Variants in RNGTT observed in about 807,000 individuals in gnomAD.
RNGTT encodes the protein RNA guanylyltransferase and 5'-phosphatase.
A neutral mutation model predicts 79.3 loss-of-function variants in RNGTT; 33 were observed. The observed-to-expected ratio is 0.42, with a 90% CI of 0.32 to 0.56. RNGTT has a LOEUF of 0.56. RNGTT is among the 20% of genes least tolerant of loss of function. The pLI is 0.17. For missense variants in RNGTT, 497 were observed against 739.1 expected, an observed-to-expected ratio of 0.67 and a Z score of 3.80; for synonymous variants, 222 against 235.9, an observed-to-expected ratio of 0.94 and a Z score of 0.54.
chr6:88,945,108 G>C (rs978327305), intron 1 of RNGTT, among the ~76,000 whole-genome samples: 5 of 152,160 alleles, frequency 3.3e-5, no homozygotes, highest in Non-Finnish European at 2.9e-5. Context: ...TCTCAGGTCA[G>C]CTGGCCATTC....
chr6:88,839,734 G>A (rs942905145), intron 11 of RNGTT, among the ~76,000 whole-genome samples: 2 of 152,176 alleles, frequency 1.3e-5, no homozygotes, highest in African/African-American at 2.4e-5. Context: ...ACTTTTTACT[G>A]CATGTTTTTA....
intron 14 of RNGTT, among the ~76,000 whole-genome samples, chr6:88,674,036 C>A (rs939734829): frequency 6.6e-6 from 1 of 152,136 alleles, no homozygotes; most frequent in African/African-American, 2.4e-5. Flanking sequence ...AGAATCTTGC[C>A]AATTCCCCTC....
intron 13 of RNGTT, 129 bp downstream of exon 13, chr6:88,769,645 C>T (rs9353604): frequency 0.14 from 73,344 of 519,564 alleles, 5,566 homozygotes; most frequent in Middle Eastern, 0.24. Flanking sequence ...TGTAAAATAT[C>T]TTGTAAAATA....
intron 11 of RNGTT, among the ~76,000 whole-genome samples, chr6:88,825,801 T>A (rs1422032183): frequency 6.6e-6 from 1 of 152,244 alleles, no homozygotes; most frequent in African/African-American, 2.4e-5. Context: ...TTTAAATGTA[T>A]GCCTTATAGT....
intron 1 of RNGTT, among the ~76,000 whole-genome samples, chr6:88,942,009 G>A (rs1043015209): frequency 1.3e-5 from 2 of 151,872 alleles, no homozygotes; most frequent in Admixed American, 6.6e-5. Flanking sequence ...GGGGGAGCAC[G>A]TTGTCAGGTC....
intron 1 of RNGTT, 131 bp downstream of exon 1, chr6:88,963,215 T>G: frequency 1.2e-6 from 1 of 851,072 alleles, no homozygotes; most frequent in Non-Finnish European, 1.8e-6. Context: ...CGAAGCGTAA[T>G]CCGACGGAGC....
intron 13 of RNGTT, among the ~76,000 whole-genome samples, chr6:88,697,795 C>A (rs1376222030): frequency 6.7e-6 from 1 of 149,358 alleles, no homozygotes; most frequent in Non-Finnish European, 1.5e-5. Context: ...AACTTGAGCC[C>A]AGGGGGCAGA....
chr6:88,941,665 CTTT>C (rs776214733), intron 1 of RNGTT, among the ~76,000 whole-genome samples: 24 of 142,894 alleles, frequency 1.7e-4, no homozygotes, highest in African/African-American at 5.1e-4. Context: ...TACCCTACAT[CTTT>C]TTTTTTTTTT....
intron 9 of RNGTT, among the ~76,000 whole-genome samples, chr6:88,850,418 A>C (rs563568955): frequency 6.6e-6 from 1 of 151,948 alleles, no homozygotes; most frequent in Non-Finnish European, 1.5e-5. Context: ...GTCTGACAGA[A>C]CAAGATAAGG....
At chr6:88,791,140 C>CT (rs66559856) in intron 12 of RNGTT, among the ~76,000 whole-genome samples, 1,677 of 120,766 alleles carry the variant, frequency 0.014, 38 homozygotes, top group African/African-American at 0.046. Context: ...TCACAAGTAC[C>CT]TTTTTTTTTT....
rs529163527 is a variant in RNGTT, at chr6:88,613,978, T to C, written c.1630+294A>G. Among the ~76,000 whole-genome samples the C allele has an allele frequency of 7.2e-5, 11 of 152,380 alleles. No individual in the cohort carries two copies. In the South Asian group the frequency reaches 2.1e-3, roughly 29 times the overall value. On this transcript the variant is annotated intron_variant, in intron 15 of 15. Coordinates refer to ENST00000369485, the MANE Select transcript of RNGTT (RefSeq NM_003800.5). ...GTTTTGAATAGATCTGAAATTATCATGGTTTCTGTTGTTGTTGTTGTTCAA... is the reference window on the plus strand; with the variant it reads ...GTTTTGAATAGATCTGAAATTATCACGGTTTCTGTTGTTGTTGTTGTTCAA...
intron 14 of RNGTT, among the ~76,000 whole-genome samples, chr6:88,624,118 T>G (rs1245199473): frequency 1.3e-5 from 2 of 151,920 alleles, no homozygotes; most frequent in African/African-American, 4.8e-5. Flanking sequence ...AAAAGAGATA[T>G]ACACCATGTT....
intron 12 of RNGTT, among the ~76,000 whole-genome samples, chr6:88,781,530 C>T (rs940297851): frequency 6.6e-5 from 10 of 150,822 alleles, no homozygotes; most frequent in East Asian, 1.9e-4. Context: ...CAATTATGAA[C>T]GCACATTCTT....
At chr6:88,657,273 G>T (rs986253540) in intron 14 of RNGTT, among the ~76,000 whole-genome samples, 1 of 152,198 alleles carries the variant, frequency 6.6e-6, no homozygotes, top group Admixed American at 6.5e-5. Context: ...TCCAGATCAT[G>T]GGAGAAGGAT....
intron 8 of RNGTT, among the ~76,000 whole-genome samples, chr6:88,871,487 G>A (rs745998094): frequency 2.1e-4 from 32 of 152,024 alleles, no homozygotes; most frequent in African/African-American, 7.0e-4. Flanking sequence ...AGACTTATAT[G>A]TTACAACAAA....
chr6:88,798,632 G>A lies in RNGTT; in HGVS notation c.1338+2932C>T, dbSNP rs541282463. Among the ~76,000 whole-genome samples, 6 of 152,298 alleles carry A rather than the reference G, an allele frequency of 3.9e-5. No homozygotes were observed. In the South Asian group the frequency reaches 1.0e-3, roughly 26 times the overall value. ...ATGGGTCAACATGAGAAAAATCAGTGTAATTTACTACATAAATGGTGTAAA... is the reference window on the plus strand; with the variant it reads ...ATGGGTCAACATGAGAAAAATCAGTATAATTTACTACATAAATGGTGTAAA... On this transcript the variant is annotated intron_variant, in intron 12 of 15. Transcript: ENST00000369485.
chr6:88,615,868 T>G (rs184992819), intron 14 of RNGTT, among the ~76,000 whole-genome samples: 15 of 152,296 alleles, frequency 9.8e-5, no homozygotes, highest in African/African-American at 3.6e-4. Context: ...TTTTAAAATC[T>G]GTGGTAAAAA....
intron 12 of RNGTT, among the ~76,000 whole-genome samples, chr6:88,770,747 A>G (rs975234796): frequency 1.3e-5 from 2 of 152,212 alleles, no homozygotes; most frequent in Non-Finnish European, 2.9e-5. Context: ...AATGAATGAG[A>G]AGTCCATTTG....
intron 8 of RNGTT, among the ~76,000 whole-genome samples, chr6:88,861,387 TC>T (rs937616557): frequency 6.6e-6 from 1 of 152,114 alleles, no homozygotes; most frequent in Non-Finnish European, 1.5e-5. Flanking sequence ...CTTGCCAAAC[TC>T]CAACTTTCTT....
Sources: allele counts gnomAD v4.1 joint callset (sites outside exome capture counted in the v4.1 genomes callset), GRCh38; gene constraint gnomAD v4.1.1; transcripts MANE v1.5; gene names NCBI Gene and HGNC (gene_info 2026-07-23, HGNC 2026-07-21).